The following EHBP1 variants were observed in gnomAD, a reference collection of about 807,000 sequenced individuals.
EHBP1 encodes EH domain-binding protein 1.
EHBP1 carries 55 observed loss-of-function variants against 144.0 expected under a neutral mutation model. That is an observed-to-expected ratio of 0.38 (90% confidence interval 0.31 to 0.48). The LOEUF (loss-of-function observed/expected upper bound fraction) is 0.48. Ranked by LOEUF, EHBP1 falls within the 20% of genes least tolerant of loss-of-function variation. The pLI is 0.98. For synonymous variants in EHBP1, 469 were observed against 472.7 expected (o/e 0.99, Z 0.10); for missense variants, 1,200 against 1,364.2 (o/e 0.88, Z 1.90).
chr2:62,941,624 G>C (rs555429223), intron 10 of EHBP1, among the ~76,000 whole-genome samples: 1 of 152,078 alleles, frequency 6.6e-6, no homozygotes, highest in Non-Finnish European at 1.5e-5. Context: ...ACATGCTTTT[G>C]TCAAGTGGGG....
intron 2 of EHBP1, among the ~76,000 whole-genome samples, chr2:62,713,851 G>A (rs1367888577): frequency 6.6e-6 from 1 of 152,008 alleles, no homozygotes; most frequent in Non-Finnish European, 1.5e-5. Context: ...TTTTTAAATT[G>A]TAATTGTTAC....
intron 5 of EHBP1, among the ~76,000 whole-genome samples, chr2:62,791,208 A>T (rs2043148143): frequency 6.6e-6 from 1 of 152,070 alleles, no homozygotes; most frequent in African/African-American, 2.4e-5. Context: ...CATGTATGTG[A>T]TAACATGCTT....
At position 62,977,524 on chromosome 2, in the gene EHBP1, C is replaced by G. The variant is rs114264687; in HGVS notation, c.2461-1664C>G. Among the ~76,000 whole-genome samples the G allele has an allele frequency of 3.1e-3, 479 of 152,194 alleles. 3 individuals carry two copies. The highest frequency in any genetic ancestry group is 0.011 in the African/African-American group (452 of 41,522). On this transcript the variant is annotated intron_variant, in intron 14 of 22. Coordinates refer to ENST00000431489, the MANE Select transcript of EHBP1 (RefSeq NM_001142616.3). ...ATGATACATTCTGTTTGCCCCTCAGCCAAAAATGTTCTCTTTTTTCTGAAC... is the reference window on the plus strand; with the variant it reads ...ATGATACATTCTGTTTGCCCCTCAGGCAAAAATGTTCTCTTTTTTCTGAAC...
chr2:63,032,395 C>T (rs1188225545), intron 19 of EHBP1, among the ~76,000 whole-genome samples: 2 of 151,258 alleles, frequency 1.3e-5, no homozygotes, highest in Non-Finnish European at 2.9e-5. Context: ...GGTGAAACCC[C>T]GTCTCTACTG....
At chr2:62,806,355 G>C (rs547786996) in intron 5 of EHBP1, among the ~76,000 whole-genome samples, 3 of 151,866 alleles carry the variant, frequency 2.0e-5, no homozygotes, top group African/African-American at 7.2e-5. Flanking sequence ...ACTTTTTGTG[G>C]TTTTTCGTTT....
intron 10 of EHBP1, among the ~76,000 whole-genome samples, chr2:62,924,431 AT>A (rs928357055): frequency 6.6e-6 from 1 of 152,202 alleles, no homozygotes; most frequent in African/African-American, 2.4e-5. Flanking sequence ...CAAAAAGTTG[AT>A]TTTTTGAAAA....
chr2:63,013,871 A>C (rs1165830803), intron 19 of EHBP1, among the ~76,000 whole-genome samples: 1 of 152,208 alleles, frequency 6.6e-6, no homozygotes, highest in Admixed American at 6.5e-5. Flanking sequence ...GAGATGAGGA[A>C]AATATGAGAA....
At chr2:62,834,001 A>G (rs1222629574) in intron 7 of EHBP1, among the ~76,000 whole-genome samples, 1 of 152,206 alleles carries the variant, frequency 6.6e-6, no homozygotes, top group Non-Finnish European at 1.5e-5. Flanking sequence ...GGAGGAAGTA[A>G]CTGCAGTTGT....
chr2:62,883,464 C>A (rs544637957), intron 10 of EHBP1, among the ~76,000 whole-genome samples: 3 of 152,308 alleles, frequency 2.0e-5, no homozygotes, highest in African/African-American at 4.8e-5. Context: ...ACATTAGAGA[C>A]ACAGTCATAT....
chr2:62,975,887 TACAC>T (rs57375651), intron 14 of EHBP1, among the ~76,000 whole-genome samples: 9,237 of 123,576 alleles, frequency 0.075, 351 homozygotes, highest in South Asian at 0.097. Flanking sequence ...TTACTGTATG[TACAC>T]ACACACACAC....
At chr2:62,771,624 T>G in intron 5 of EHBP1, 1 of 279,820 alleles carries the variant, frequency 3.6e-6, no homozygotes, top group Non-Finnish European at 6.6e-6. Flanking sequence ...TATGTTTGTA[T>G]GTATGCGTGT....
At chr2:62,965,181 A>C (rs1004250673) in intron 14 of EHBP1, 1 of 152,234 alleles carries the variant, frequency 6.6e-6, no homozygotes, top group Non-Finnish European at 1.5e-5. Flanking sequence ...GGTGGGTGCA[A>C]AAATGAGCCC....
At chr2:63,028,927 A>G (rs2061106285) in intron 19 of EHBP1, among the ~76,000 whole-genome samples, 1 of 152,144 alleles carries the variant, frequency 6.6e-6, no homozygotes, top group Non-Finnish European at 1.5e-5. Flanking sequence ...TAAGTATTTG[A>G]TATTCTGTTG....
chr2:63,024,633 G>A (rs759041189), intron 19 of EHBP1, among the ~76,000 whole-genome samples: 1 of 150,432 alleles, frequency 6.6e-6, no homozygotes, highest in Non-Finnish European at 1.5e-5. Flanking sequence ...ATTAGATGGA[G>A]TCAAAATTTA....
intron 7 of EHBP1, among the ~76,000 whole-genome samples, chr2:62,835,848 C>G (rs1459974336): frequency 6.6e-6 from 1 of 152,126 alleles, no homozygotes; most frequent in Non-Finnish European, 1.5e-5. Context: ...CCTACGCCCA[C>G]GGAATCTGGC....
At chr2:63,033,544 A>G (rs1460727618) in intron 19 of EHBP1, among the ~76,000 whole-genome samples, 1 of 152,294 alleles carries the variant, frequency 6.6e-6, no homozygotes, top group Admixed American at 6.5e-5. Context: ...GCATTTATAT[A>G]AGAATTCATT....
intron 9 of EHBP1, among the ~76,000 whole-genome samples, chr2:62,873,599 ACT>A (rs2152842276): frequency 1.3e-5 from 2 of 152,216 alleles, no homozygotes; most frequent in South Asian, 4.1e-4. Context: ...AAAACACATG[ACT>A]CTTCAGACTC....
At position 62,826,216 on chromosome 2, in the gene EHBP1, G is replaced by GC; in HGVS notation, c.444dup (p.Ala149ArgfsTer19). On this transcript the variant is annotated frameshift_variant, in exon 6 of 23. Transcript: ENST00000431489. LOFTEE classifies it high-confidence loss of function. ...GCCATTATCTAAAAAAGTTGTATCT[G>GC]CCGCTCTTCAGTTTTCATTATCTTG... 1 of 1,608,486 alleles carries GC rather than the reference G, an allele frequency of 6.2e-7. No homozygotes were observed. The highest frequency in any genetic ancestry group is 8.5e-7 in the Non-Finnish European group (1 of 1,178,254).
At chr2:62,674,882 C>T (rs946568693) in intron 1 of EHBP1, among the ~76,000 whole-genome samples, 1 of 152,262 alleles carries the variant, frequency 6.6e-6, no homozygotes, top group East Asian at 1.9e-4. Context: ...TCTCCTGTCT[C>T]GGTCTCCCAA....
Sources: allele counts gnomAD v4.1 joint callset (sites outside exome capture counted in the v4.1 genomes callset), GRCh38; gene constraint gnomAD v4.1.1; transcripts MANE v1.5; gene names NCBI Gene and HGNC (gene_info 2026-07-23, HGNC 2026-07-21).